Variants in LUC7L2 observed in about 807,000 individuals in gnomAD.
The protein encoded by LUC7L2 is LUC7 like 2, pre-mRNA splicing factor.
A neutral mutation model predicts 52.8 loss-of-function variants in LUC7L2; 25 were observed. The ratio of observed to expected loss-of-function variants is 0.47; its 90% CI spans 0.34 to 0.66. The LOEUF (loss-of-function observed/expected upper bound fraction) is 0.66. Ranked by LOEUF, LUC7L2 falls within the 30% of genes least tolerant of loss-of-function variation. LUC7L2 has a pLI of 0.01. For missense variants in LUC7L2, 328 were observed against 497.8 expected (o/e 0.66, Z 3.25); for synonymous variants, 144 against 160.9 (o/e 0.89, Z 0.80).
chr7:139,402,282 T>G (rs748131511), intron 4 of LUC7L2, 35 bp downstream of exon 4: 8 of 1,516,894 alleles, frequency 5.3e-6, no homozygotes, highest in Admixed American at 4.7e-5. Context: ...GTACAAAGTA[T>G]TATTTCGACT....
chr7:139,372,243 AT>A (rs11338568), intron 1 of LUC7L2, among the ~76,000 whole-genome samples: 57,856 of 149,032 alleles, frequency 0.39, 15,353 homozygotes, highest in African/African-American at 0.76. Context: ...CATTATTTTA[AT>A]TTTTTTTTTT....
At chr7:139,348,324 C>A (rs1200009209) in intron 1 of LUC7L2, among the ~76,000 whole-genome samples, 1 of 151,666 alleles carries the variant, frequency 6.6e-6, no homozygotes, top group Non-Finnish European at 1.5e-5. Flanking sequence ...AGGCATGAGC[C>A]ACCATGTCTG....
upstream of LUC7L2, among the ~76,000 whole-genome samples, chr7:139,356,034 T>C (rs1799595077): frequency 6.6e-6 from 1 of 152,078 alleles, no homozygotes; most frequent in East Asian, 1.9e-4. Context: ...CCACTGGGCG[T>C]GGTGGCTCAC....
chr7:139,345,442 T>C (rs1385014184), intron 1 of LUC7L2: 22 of 1,599,632 alleles, frequency 1.4e-5, no homozygotes, highest in African/African-American at 2.7e-5. Context: ...TATTAAATCT[T>C]TCTCTGTGGA....
Position 139,407,185 on chromosome 7 carries a change from G to T in LUC7L2, c.522G>T (p.Arg174=). ...AKKREAEEVY[R]NSMPASSFQQ... is the part of the protein sequence containing the mutation. ...TCACTTTTGTTTAGGAAGTTTATCG[G>T]AATTCTATGCCAGCTTCCAGTTTTC... The change falls in exon 6 of 10, where the codon CGG becomes CGT. Residue 174 remains arginine, a synonymous_variant. Transcript: ENST00000354926. The T allele has an allele frequency of 6.2e-7, 1 of 1,608,068 alleles. No homozygotes were observed. Among genetic ancestry groups the T allele is most frequent in the Non-Finnish European group, 8.5e-7 (1 of 1,177,166 alleles).
chr7:139,390,177 G>T (rs192076954), intron 2 of LUC7L2, among the ~76,000 whole-genome samples: 1 of 152,028 alleles, frequency 6.6e-6, no homozygotes, highest in Admixed American at 6.6e-5. Flanking sequence ...TGGATAATAC[G>T]AGGTAAAGAG....
At chr7:139,371,559 TG>T in intron 1 of LUC7L2, 5 of 572,420 alleles carry the variant, frequency 8.7e-6, no homozygotes, top group Non-Finnish European at 3.0e-6. Context: ...TGGGTAGTAC[TG>T]GGGGGAGGGG....
At chr7:139,343,742 C>T (rs1799116580) in intron 1 of LUC7L2, among the ~76,000 whole-genome samples, 1 of 151,946 alleles carries the variant, frequency 6.6e-6, no homozygotes, top group African/African-American at 2.4e-5. Context: ...CACGACCAGC[C>T]TGGGCAACAT....
At position 139,398,915 on chromosome 7, in the gene LUC7L2, A is replaced by G. The variant is rs774766499; in HGVS notation, c.255+218A>G. 4.6e-5 allele frequency among the ~76,000 whole-genome samples: 7 copies of G among 152,214 alleles called. No homozygotes were observed. In the East Asian group the frequency reaches 1.3e-3, roughly 29 times the overall value. On this transcript the variant is annotated intron_variant, in intron 3 of 9. Coordinates refer to ENST00000354926, the MANE Select transcript of LUC7L2 (RefSeq NM_016019.5). ...AATGTGTAACAGTCGTATGATTCAT[A>G]TATTCTTTTGGAAATTAAGCATATT...
At chr7:139,361,429 G>C (rs749529605) in intron 1 of LUC7L2, among the ~76,000 whole-genome samples, 1 of 152,214 alleles carries the variant, frequency 6.6e-6, no homozygotes, top group African/African-American at 2.4e-5. Context: ...ATTTACATGA[G>C]TGCTTTACAG....
upstream of LUC7L2, among the ~76,000 whole-genome samples, chr7:139,356,815 G>A (rs897964896): frequency 2.0e-5 from 3 of 152,168 alleles, no homozygotes; most frequent in African/African-American, 4.8e-5. Flanking sequence ...CCTGTGGACC[G>A]TAGCTTGCTG....
chr7:139,411,887 A>G (rs1375169971), intron 7 of LUC7L2, among the ~76,000 whole-genome samples: 1 of 152,162 alleles, frequency 6.6e-6, no homozygotes, highest in East Asian at 1.9e-4. Flanking sequence ...GATATAAAAG[A>G]ATTTTTTCCA....
chr7:139,363,148 ACT>A (rs1324132703), intron 1 of LUC7L2: 13 of 950,188 alleles, frequency 1.4e-5, no homozygotes, highest in Admixed American at 6.2e-5. Context: ...CCAAAGACAA[ACT>A]CTGCCTTCTT....
chr7:139,394,898 C>A (rs762732934), intron 2 of LUC7L2, among the ~76,000 whole-genome samples: 17 of 152,188 alleles, frequency 1.1e-4, no homozygotes, highest in Non-Finnish European at 2.4e-4. Context: ...AAAACTAGAT[C>A]AGTGAGTGGT....
chr7:139,366,416 T>C (rs1469001725), intron 1 of LUC7L2, among the ~76,000 whole-genome samples: 1 of 152,244 alleles, frequency 6.6e-6, no homozygotes, highest in East Asian at 1.9e-4. Flanking sequence ...ATAATATACC[T>C]GGCTGTTCTG....
chr7:139,394,476 T>C (rs2131266008), intron 2 of LUC7L2, among the ~76,000 whole-genome samples: 1 of 152,328 alleles, frequency 6.6e-6, no homozygotes, highest in East Asian at 1.9e-4. Flanking sequence ...GTTGCTTTTC[T>C]TCCTTTGGTT....
intron 2 of LUC7L2, among the ~76,000 whole-genome samples, chr7:139,388,722 C>T (rs1421623821): frequency 1.3e-5 from 2 of 150,998 alleles, no homozygotes; most frequent in East Asian, 1.9e-4. Flanking sequence ...AAGACATTTT[C>T]CCTCATAGAT....
intron 2 of LUC7L2, chr7:139,392,630 G>T (rs1308014444): frequency 5.1e-6 from 1 of 194,508 alleles, no homozygotes; most frequent in African/African-American, 2.4e-5. Flanking sequence ...GAATAAGCTT[G>T]TGGAAGGAAT....
chr7:139,360,225 GCCCCAC>G lies in LUC7L2; in HGVS notation c.-32_-27del. 6.6e-7 allele frequency: 1 copy of G among 1,522,484 alleles called. No homozygotes were observed. The highest frequency in any genetic ancestry group is 1.2e-5 in the South Asian group (1 of 83,250). The allele number at this position is 1,522,484 out of a possible 1,614,324, so 94.3% of individuals were successfully genotyped here. A position where few individuals can be genotyped will look rare whatever the true frequency, so the allele number is the denominator to read the frequency against. The stretch of plus-strand genomic sequence containing the variant: ...CCCAGCCCAAAAGGGCCCGGTCTGC[GCCCCAC>G]CCCCGCCCGTCCGCCCGCTACGCCG... On this transcript the variant is annotated 5_prime_UTR_variant, in exon 1 of 10. Transcript: ENST00000354926.
Sources: gnomAD v4.1 joint callset for allele counts (sites outside exome capture counted in the v4.1 genomes callset) on GRCh38, gnomAD v4.1.1 for gene constraint, MANE v1.5 for transcripts, NCBI Gene and HGNC (gene_info 2026-07-23, HGNC 2026-07-21) for gene names.